The following SOBP variants were observed in gnomAD, a reference collection of about 807,000 sequenced individuals.
The protein encoded by SOBP is sine oculis binding protein homolog, also known as sine oculis-binding protein homolog.
A neutral mutation model predicts 53.6 loss-of-function variants in SOBP; 4 were observed. That is an observed-to-expected ratio of 0.07 (90% CI 0.04 to 0.17). The LOEUF (loss-of-function observed/expected upper bound fraction) is 0.17, where lower values mean the gene tolerates loss of function less well. Ranked by LOEUF, SOBP falls within the 10% of genes least tolerant of loss-of-function variation. The pLI, the probability that SOBP is intolerant of heterozygous loss-of-function variation, is 1.00. For synonymous variants in SOBP, 584 were observed against 522.6 expected, an observed-to-expected ratio of 1.12 and a Z score of -1.60; for missense variants, 1,088 against 1,204.7, an observed-to-expected ratio of 0.90 and a Z score of 1.43.
At chr6:107,492,754 T>G (rs145996050) in intron 1 of SOBP, among the ~76,000 whole-genome samples, 1 of 152,326 alleles carries the variant, frequency 6.6e-6, no homozygotes, top group African/African-American at 2.4e-5. Flanking sequence ...CACCACCCAC[T>G]ATTTGAAGTT....
At chr6:107,548,447 T>C (rs897095832) in intron 4 of SOBP, among the ~76,000 whole-genome samples, 2 of 152,016 alleles carry the variant, frequency 1.3e-5, no homozygotes, top group African/African-American at 2.4e-5. Context: ...TTTCATTGTG[T>C]TAGCCAGGAT....
In SOBP at chr6:107,635,319, C is replaced by G. The variant is rs1301759186; in HGVS notation, c.2475C>G (p.Gly825=). The change falls in exon 6 of 7, where the codon GGC becomes GGG. Residue 825 remains glycine, a synonymous_variant. Transcript: ENST00000317357. This position sits in a 1 kb window ranked among gnomAD's most constrained non-coding sequence, Gnocchi z 4.5. The part of the protein sequence containing the change: ...AYALRMLPKT[G]CVIQPVPKPA... ...CTCTGCGGATGCTGCCCAAGACCGG[C>G]TGCGTGATCCAGCCTGTGCCAAAAC... is the stretch of plus-strand genomic sequence containing the variant. 1 of 1,613,692 alleles carries G rather than the reference C, an allele frequency of 6.2e-7. No individual in the cohort carries two copies. Among genetic ancestry groups the G allele is most frequent in the Non-Finnish European group, 8.5e-7 (1 of 1,180,016 alleles).
intron 4 of SOBP, among the ~76,000 whole-genome samples, chr6:107,534,483 A>G (rs1783932130): frequency 6.6e-6 from 1 of 152,160 alleles, no homozygotes; most frequent in East Asian, 1.9e-4. Flanking sequence ...AATTGTCCAC[A>G]TTTTGTTGTT....
chr6:107,598,458 G>T (rs1583254810), intron 5 of SOBP, among the ~76,000 whole-genome samples: 1 of 152,330 alleles, frequency 6.6e-6, no homozygotes, highest in African/African-American at 2.4e-5. Flanking sequence ...GATGAGAGGG[G>T]TGCGCATCAT....
chr6:107,631,879 T>C (rs972089519), intron 5 of SOBP, among the ~76,000 whole-genome samples: 1 of 152,208 alleles, frequency 6.6e-6, no homozygotes, highest in Non-Finnish European at 1.5e-5. Flanking sequence ...CTATCAAGTT[T>C]ATTACCTGCA....
intron 6 of SOBP, among the ~76,000 whole-genome samples, chr6:107,648,936 G>A (rs1167973935): frequency 6.6e-6 from 1 of 152,100 alleles, no homozygotes; most frequent in Non-Finnish European, 1.5e-5. Context: ...GGGCACAGCG[G>A]CTCATGCCTG....
At chr6:107,553,284 C>T (rs984270479) in intron 4 of SOBP, among the ~76,000 whole-genome samples, 2 of 147,674 alleles carry the variant, frequency 1.4e-5, no homozygotes, top group Non-Finnish European at 1.5e-5. Context: ...AATCCACTCA[C>T]GGGCTTATTA....
At chr6:107,576,844 G>C (rs1426279165) in intron 4 of SOBP, among the ~76,000 whole-genome samples, 2 of 152,338 alleles carry the variant, frequency 1.3e-5, no homozygotes, top group Non-Finnish European at 2.9e-5. Flanking sequence ...CATTTCTGTG[G>C]TTGCTGGTGG....
Position 107,635,136 on chromosome 6 carries a change from G to A in SOBP, c.2292G>A (p.Ala764=), listed in dbSNP as rs571214895. 61 of 1,613,118 alleles carry A rather than the reference G, an allele frequency of 3.8e-5. 1 individual carries two copies. In the South Asian group the frequency reaches 5.9e-4, roughly 16 times the overall value. Residue 764 remains alanine, a synonymous_variant, in exon 6 of 7, where the codon GCG becomes GCA. Transcript: ENST00000317357. This position sits in a 1 kb window ranked among gnomAD's most constrained non-coding sequence, Gnocchi z 4.5. ...AGCTGCTGTCGCCTGAGGAACCGGC[G>A]GTGAGCGAGCTAGAGTCGGTCAAGG... ...PKKLLSPEEP[A]VSELESVKEN... is the part of the protein sequence containing the mutation.
intron 3 of SOBP, among the ~76,000 whole-genome samples, chr6:107,527,943 T>C (rs887855500): frequency 6.6e-5 from 10 of 152,192 alleles, no homozygotes; most frequent in Non-Finnish European, 1.5e-5. Flanking sequence ...TCCTACAGTG[T>C]CATCACCCTG....
intron 5 of SOBP, among the ~76,000 whole-genome samples, chr6:107,618,527 T>A (rs1324818898): frequency 6.6e-6 from 1 of 152,220 alleles, no homozygotes; most frequent in East Asian, 1.9e-4. Flanking sequence ...CCCTCATCCA[T>A]AGACCAATGG....
rs564240720 is a variant in SOBP at position 107,533,592 on chromosome 6, C to G, written c.555C>G (p.Ala185=). The G allele has an allele frequency of 1.1e-5, 18 of 1,613,652 alleles. No individual in the cohort carries two copies. In the South Asian group the frequency reaches 1.9e-4, roughly 17 times the overall value. The stretch of plus-strand genomic sequence containing the variant: ...AGTGCTTTGCGGCCTGCCGACGAGC[C>G]TACTTCAAGAGAAATAAGGTAAGAG... ...SEKCFAACRR[A]YFKRNKARDE... The change falls in exon 4 of 7, where the codon GCC becomes GCG. Residue 185 remains alanine (A), a synonymous_variant. Transcript: ENST00000317357.
chr6:107,499,351 C>G (rs1378850512), intron 1 of SOBP, among the ~76,000 whole-genome samples: 1 of 152,058 alleles, frequency 6.6e-6, no homozygotes, highest in Non-Finnish European at 1.5e-5. Flanking sequence ...AATCAAGTAC[C>G]TAACACATAG....
intron 5 of SOBP, among the ~76,000 whole-genome samples, chr6:107,605,066 T>C (rs1218076334): frequency 1.3e-5 from 2 of 152,188 alleles, no homozygotes; most frequent in Admixed American, 6.5e-5. Flanking sequence ...CCCTCCACTC[T>C]GCATGTTCAT....
chr6:107,621,193 T>G, intron 5 of SOBP: 78 of 628,854 alleles, frequency 1.2e-4, no homozygotes, highest in Middle Eastern at 8.1e-4. Flanking sequence ...TATATATGAA[T>G]ACCTATCTGT....
In SOBP at chr6:107,644,006, G is replaced by A. The variant is rs118095216; in HGVS notation, c.*3+8537G>A. Among the ~76,000 whole-genome samples the A allele has an allele frequency of 7.5e-3, 1,137 of 152,246 alleles. 8 individuals are homozygous for A. Among genetic ancestry groups the A allele is most frequent in the Non-Finnish European group, 0.012 (810 of 68,004 alleles). ...AAGCTAAAGTGTTCTAACCTGAACCGTATTGAGTCCCACACGTGAGCGTGG... is the reference window on the plus strand; with the variant it reads ...AAGCTAAAGTGTTCTAACCTGAACCATATTGAGTCCCACACGTGAGCGTGG... On this transcript the variant is annotated intron_variant, in intron 6 of 6. Coordinates refer to ENST00000317357, the MANE Select transcript of SOBP (RefSeq NM_018013.4).
Position 107,635,212 on chromosome 6 carries a change from C to A in SOBP, c.2368C>A (p.Leu790Met), listed in dbSNP as rs776640285. 1 of 1,613,816 alleles carries A rather than the reference C, an allele frequency of 6.2e-7. No individual in the cohort carries two copies. Among genetic ancestry groups the A allele is most frequent in the Admixed American group, 1.7e-5 (1 of 60,006 alleles). ...CCTGGACGGGGAGGCGGCCAAAAAG[C>A]TGATGGGCGAGGAGGCCCTGGCGGG... ...CHLDGEAAKK[L>M]MGEEALAGGD... Residue 790 changes from leucine to methionine, a missense_variant, in exon 6 of 7, where the codon CTG (leucine) becomes ATG (methionine). Leu to Met is a conservative substitution (Grantham distance 15). Coordinates refer to ENST00000317357, the MANE Select transcript of SOBP (RefSeq NM_018013.4). The surrounding 1 kb of genome is among the most constrained non-coding windows in gnomAD (Gnocchi z 4.5).
intron 4 of SOBP, among the ~76,000 whole-genome samples, chr6:107,537,855 A>G (rs546322282): frequency 1.3e-5 from 2 of 151,978 alleles, no homozygotes; most frequent in East Asian, 1.9e-4. Flanking sequence ...ATACTTCTTC[A>G]ATATCATGAT....
At chr6:107,529,434 G>A in intron 3 of SOBP, 1 of 984,892 alleles carries the variant, frequency 1.0e-6, no homozygotes, top group Non-Finnish European at 1.2e-6. Context: ...GTCTTTCATT[G>A]ATTATCTGGA....
Sources: allele counts gnomAD v4.1 joint callset (sites outside exome capture counted in the v4.1 genomes callset), GRCh38; gene constraint gnomAD v4.1.1; non-coding constraint Gnocchi (gnomAD v3.1); transcripts MANE v1.5; gene names NCBI Gene and HGNC (gene_info 2026-07-23, HGNC 2026-07-21).